Variants in CFHR5 observed in about 807,000 individuals in gnomAD.
The protein encoded by CFHR5 is complement factor H related 5, also known as complement factor H-related protein 5.
Under a neutral mutation model 62.9 loss-of-function variants are expected in CFHR5, and 73 were observed. The ratio of observed to expected loss-of-function variants is 1.16; its 90% CI spans 0.96 to 1.41. CFHR5 has a LOEUF of 1.41. Among genes scored for constraint, CFHR5 ranks in the 40% most tolerant of loss-of-function variants. The pLI is 0.00. For missense variants in CFHR5, 779 were observed against 679.9 expected (o/e 1.15, Z -1.62); for synonymous variants, 249 against 227.2 (o/e 1.10, Z -0.86).
chr1:197,004,950 T>C, intron 9 of CFHR5, 107 bp downstream of exon 9: 1 of 901,726 alleles, frequency 1.1e-6, no homozygotes, highest in Non-Finnish European at 1.7e-6. Flanking sequence ...TCAGTCAAAA[T>C]CTTTCCTGTC....
In CFHR5 at chr1:196,982,627, G is replaced by A. The variant is rs184717732; in HGVS notation, c.59-258G>A. 1.4e-4 allele frequency among the ~76,000 whole-genome samples: 21 copies of A among 151,900 alleles called. No homozygotes were observed. The South Asian group carries it at 2.9e-3, about 21-fold the overall frequency. ...GAGGCTGCAGTGAGCCAAGATTTGCGTGATTGTACTTCAGCCTGGGCAACA... is the reference window on the plus strand; with the variant it reads ...GAGGCTGCAGTGAGCCAAGATTTGCATGATTGTACTTCAGCCTGGGCAACA... On this transcript the variant is annotated intron_variant, in intron 1 of 9. Transcript: ENST00000256785.
chr1:196,992,833 A>T (rs763322988), intron 3 of CFHR5, among the ~76,000 whole-genome samples: 5 of 152,216 alleles, frequency 3.3e-5, no homozygotes, highest in Middle Eastern at 3.2e-3. Context: ...GATTTGCTCA[A>T]GTAAACTGTG....
intron 3 of CFHR5, among the ~76,000 whole-genome samples, chr1:196,988,798 G>A (rs553574821): frequency 5.9e-5 from 9 of 152,124 alleles, no homozygotes; most frequent in East Asian, 5.8e-4. Context: ...TTTTCACATC[G>A]ATGTTCATCA....
chr1:196,980,985 C>A (rs1653527181), intron 1 of CFHR5, among the ~76,000 whole-genome samples: 1 of 152,078 alleles, frequency 6.6e-6, no homozygotes. Context: ...GTCTTTCCCT[C>A]AGTATCTTCT....
chr1:196,986,509 C>G (rs1653686375), intron 3 of CFHR5, among the ~76,000 whole-genome samples: 1 of 151,974 alleles, frequency 6.6e-6, no homozygotes, highest in African/African-American at 2.4e-5. Flanking sequence ...CCTAATGCTA[C>G]CCCTCCCCTA....
chr1:196,996,168 A>C lies in CFHR5; in HGVS notation c.937A>C (p.Asn313His), dbSNP rs1411324354. ...MIGNNMITCI[N>H]GIWTELPMCV... is the part of the protein sequence containing the mutation. ...TGGAAATAACATGATTACCTGTATTAATGGAATATGGACAGAGCTTCCTAT... is the reference window on the plus strand; with the variant it reads ...TGGAAATAACATGATTACCTGTATTCATGGAATATGGACAGAGCTTCCTAT... The change falls in exon 6 of 10, where the codon AAT (asparagine) becomes CAT (histidine). Residue 313 changes from asparagine to histidine, a missense_variant. By Grantham distance (68) the Asn-to-His change is moderately conservative. Coordinates refer to ENST00000256785, the MANE Select transcript of CFHR5 (RefSeq NM_030787.4). The C allele has an allele frequency of 6.2e-7, 1 of 1,612,990 alleles. No homozygotes were observed. The highest frequency in any genetic ancestry group is 1.1e-5 in the South Asian group (1 of 91,066).
intron 3 of CFHR5, among the ~76,000 whole-genome samples, chr1:196,989,923 C>T (rs923732849): frequency 6.6e-6 from 1 of 152,112 alleles, no homozygotes; most frequent in African/African-American, 2.4e-5. Context: ...CCTGGATAAC[C>T]TTGTTAACCT....
At chr1:196,985,420 C>T (rs535482290) in intron 3 of CFHR5, among the ~76,000 whole-genome samples, 4 of 151,454 alleles carry the variant, frequency 2.6e-5, no homozygotes, top group South Asian at 2.1e-4. Context: ...GCTGGAACTG[C>T]GATAGTTTTT....
chr1:196,991,911 C>T (rs1334754362), intron 3 of CFHR5, among the ~76,000 whole-genome samples: 2 of 152,304 alleles, frequency 1.3e-5, no homozygotes, highest in Admixed American at 6.5e-5. Flanking sequence ...AGAACCACTG[C>T]TCTCTTCAGA....
At chr1:196,978,469 A>G (rs1203622112) in intron 1 of CFHR5, among the ~76,000 whole-genome samples, 1 of 152,152 alleles carries the variant, frequency 6.6e-6, no homozygotes, top group Non-Finnish European at 1.5e-5. Flanking sequence ...GTGAAGTTTC[A>G]ATCATTGTGC....
upstream of CFHR5, among the ~76,000 whole-genome samples, chr1:196,976,973 T>A (rs910116923): frequency 2.0e-5 from 3 of 151,084 alleles, no homozygotes; most frequent in African/African-American, 7.3e-5. Flanking sequence ...CCTGGCTAAA[T>A]TTTTTTTGTA....
At chr1:196,976,078 C>T (rs1336123859), upstream of CFHR5, among the ~76,000 whole-genome samples, 1 of 152,080 alleles carries the variant, frequency 6.6e-6, no homozygotes, top group East Asian at 1.9e-4. Flanking sequence ...GAGTGTGATG[C>T]TTAATATTTA....
chr1:196,989,075 ACTT>A (rs1267873290), intron 3 of CFHR5, among the ~76,000 whole-genome samples: 8 of 151,686 alleles, frequency 5.3e-5, no homozygotes, highest in Admixed American at 2.0e-4. Flanking sequence ...CAGAGATTCA[ACTT>A]CTTCTTGGTT....
At chr1:196,990,334 T>C (rs1174546806) in intron 3 of CFHR5, among the ~76,000 whole-genome samples, 2 of 152,162 alleles carry the variant, frequency 1.3e-5, no homozygotes, top group Admixed American at 6.5e-5. Flanking sequence ...AATTTGCCAG[T>C]CTGTGTCTTT....
At position 197,007,082 on chromosome 1, in the gene CFHR5, G is replaced by A. The variant is rs541873198; in HGVS notation, c.1514-1405G>A. On this transcript the variant is annotated intron_variant, in intron 9 of 9. Coordinates refer to ENST00000256785, the MANE Select transcript of CFHR5 (RefSeq NM_030787.4). ...GAACTCTTGACCTCATGATCCACCC[G>A]CCTCGGCCTCCCAAAGTGCTGTGAT... is the stretch of plus-strand genomic sequence containing the variant. Among the ~76,000 whole-genome samples, 11 of 151,856 alleles carry A rather than the reference G, an allele frequency of 7.2e-5. No individual in the cohort carries two copies. In the South Asian group the frequency reaches 1.2e-3, roughly 17 times the overall value.
chr1:196,995,464 G>C (rs1036979820), intron 4 of CFHR5, among the ~76,000 whole-genome samples: 13 of 152,014 alleles, frequency 8.6e-5, no homozygotes, highest in Non-Finnish European at 1.9e-4. Context: ...TTTATATCTA[G>C]GTAATCAGTT....
intron 6 of CFHR5, among the ~76,000 whole-genome samples, chr1:196,996,571 A>T (rs183718899): frequency 6.6e-6 from 1 of 152,156 alleles, no homozygotes; most frequent in Non-Finnish European, 1.5e-5. Context: ...TCTAATATTT[A>T]ATTGGGATAT....
chr1:196,976,518 G>A (rs1291924630), upstream of CFHR5, among the ~76,000 whole-genome samples: 4 of 152,132 alleles, frequency 2.6e-5, no homozygotes, highest in African/African-American at 7.2e-5. Context: ...GAATTGGGCT[G>A]CGAGACAGAG....
Position 196,996,207 on chromosome 1 carries a change from A to G in CFHR5, c.970+6A>G. The G allele has an allele frequency of 6.3e-7, 1 of 1,589,580 alleles. No individual in the cohort carries two copies. The highest frequency in any genetic ancestry group is 8.6e-7 in the Non-Finnish European group (1 of 1,157,944). On this transcript the variant is annotated splice_donor_region_variant and intron_variant, in intron 6 of 9. Transcript: ENST00000256785. Reference sequence around the variant, plus strand: ...AGAGCTTCCTATGTGTGTTGGTGAGAAAACATTCCTAAACTTTATATTTGA... The same window carrying G: ...AGAGCTTCCTATGTGTGTTGGTGAGGAAACATTCCTAAACTTTATATTTGA...
Sources: gnomAD v4.1 joint callset for allele counts (sites outside exome capture counted in the v4.1 genomes callset) on GRCh38, gnomAD v4.1.1 for gene constraint, MANE v1.5 for transcripts, NCBI Gene and HGNC (gene_info 2026-07-23, HGNC 2026-07-21) for gene names.